The following C1orf146 variants were observed in gnomAD, a reference collection of about 807,000 sequenced individuals.
The protein encoded by C1orf146 is protein SPO16 homolog.
Under a neutral mutation model 23.0 loss-of-function variants are expected in C1orf146, and 22 were observed. The observed-to-expected ratio is 0.96, with a 90% CI of 0.68 to 1.36. The LOEUF is 1.36. C1orf146 is among the 40% of genes most tolerant of loss of function. C1orf146 has a pLI of 0.00. For missense variants in C1orf146, 199 were observed against 206.8 expected (o/e 0.96, Z 0.23); for synonymous variants, 59 against 65.3 (o/e 0.90, Z 0.47).
chr1:92,242,176 GC>G lies in C1orf146; in HGVS notation c.67-34del, dbSNP rs755768986. The G allele has an allele frequency of 3.4e-6, 4 of 1,189,620 alleles. No homozygotes were observed. In the African/African-American group the frequency reaches 6.1e-5, roughly 18 times the overall value. 73.7% of individuals were successfully genotyped at this position (1,189,620 alleles called of 1,614,324 possible). A position where few individuals can be genotyped will look rare whatever the true frequency, so the allele number is the denominator to read the frequency against. ...TTAGCTTTAATACAATTGTAAGCAT[GC>G]CTTAAATTTGTATTTCTGATATTTT... is the stretch of plus-strand genomic sequence containing the variant. On this transcript the variant is annotated intron_variant, in intron 2 of 5. Coordinates refer to ENST00000370375, the MANE Select transcript of C1orf146 (RefSeq NM_001012425.2).
rs1170550801 is a variant in C1orf146 at position 92,231,265 on chromosome 1, A to G, written c.-39-117A>G. 3 of 549,042 alleles carry G rather than the reference A, an allele frequency of 5.5e-6. No homozygotes were observed. In the African/African-American group the frequency reaches 5.9e-5, roughly 11 times the overall value. The allele number at this position is 549,042 out of a possible 1,614,324, so 34.0% of individuals were successfully genotyped here. A position where few individuals can be genotyped will look rare whatever the true frequency, so the allele number is the denominator to read the frequency against. ...AAGACAGATACTTTTTCTGTTGTCAAATTTTGATGTTCAAATATTCTTTAA... is the reference window on the plus strand; with the variant it reads ...AAGACAGATACTTTTTCTGTTGTCAGATTTTGATGTTCAAATATTCTTTAA... On this transcript the variant is annotated intron_variant, in intron 1 of 5. Transcript: ENST00000370375.
At position 92,232,810 on chromosome 1, in the gene C1orf146, G is replaced by A. The variant is rs1444565747; in HGVS notation, c.66+1324G>A. 7.9e-5 allele frequency among the ~76,000 whole-genome samples: 12 copies of A among 152,072 alleles called. 1 individual carries two copies. The highest frequency in any genetic ancestry group is 2.9e-4 in the African/African-American group (12 of 41,484). On this transcript the variant is annotated intron_variant, in intron 2 of 5. Coordinates refer to ENST00000370375, the MANE Select transcript of C1orf146 (RefSeq NM_001012425.2). The stretch of plus-strand genomic sequence containing the variant: ...TTTAATGATTGCCATTCTAACTGGT[G>A]TGAGATGATATCTCATAGTGGTTTT...
intron 1 of C1orf146, among the ~76,000 whole-genome samples, chr1:92,227,716 C>T (rs1570788201): frequency 6.6e-6 from 1 of 152,242 alleles, no homozygotes; most frequent in East Asian, 1.9e-4. Context: ...TTTCCTTTCA[C>T]CACTTAAAAG....
chr1:92,235,334 A>G (rs938958887), intron 2 of C1orf146, among the ~76,000 whole-genome samples: 16 of 152,118 alleles, frequency 1.1e-4, no homozygotes, highest in African/African-American at 3.9e-4. Context: ...GGTTTCAAAG[A>G]ACATCTTTAT....
intron 1 of C1orf146, among the ~76,000 whole-genome samples, chr1:92,226,422 C>T (rs1651970769): frequency 6.6e-6 from 1 of 152,096 alleles, no homozygotes; most frequent in Admixed American, 6.5e-5. Flanking sequence ...CACATACACA[C>T]ACACACACAC....
intron 2 of C1orf146, 40 bp downstream of exon 2, chr1:92,231,526 A>G (rs369766854): frequency 7.1e-7 from 1 of 1,416,396 alleles, no homozygotes; most frequent in Admixed American, 2.1e-5. Flanking sequence ...AACTTAAAAA[A>G]ATTAAAAGCA....
intron 2 of C1orf146, among the ~76,000 whole-genome samples, chr1:92,233,013 T>G (rs1652172180): frequency 6.6e-6 from 1 of 152,044 alleles, no homozygotes; most frequent in African/African-American, 2.4e-5. Context: ...ATATTAGCCC[T>G]TTGTCAGATG....
chr1:92,235,200 T>TAA, intron 2 of C1orf146, among the ~76,000 whole-genome samples: 1 of 152,020 alleles, frequency 6.6e-6, no homozygotes, highest in East Asian at 1.9e-4. Context: ...AATTGTGATG[T>TAA]TAGGGTGTCA....
chr1:92,231,835 C>T (rs1652130004), intron 2 of C1orf146, among the ~76,000 whole-genome samples: 1 of 151,946 alleles, frequency 6.6e-6, no homozygotes, highest in South Asian at 2.1e-4. Context: ...AACTGATATC[C>T]TAGCCTTGGC....
In C1orf146 at chr1:92,231,487, G is replaced by T. The variant is rs761200547; in HGVS notation, c.66+1G>T. 1 of 1,597,998 alleles carries T rather than the reference G, an allele frequency of 6.3e-7. No individual in the cohort carries two copies. Among genetic ancestry groups the T allele is most frequent in the Non-Finnish European group, 8.5e-7 (1 of 1,173,516 alleles). ...CATTATTATTAGCTCATCTCTTAAGGTAAAGGGGCATTTGGGCCACTGATC... is the reference window on the plus strand; with the variant it reads ...CATTATTATTAGCTCATCTCTTAAGTTAAAGGGGCATTTGGGCCACTGATC... On this transcript the variant is annotated splice_donor_variant, in intron 2 of 5. Transcript: ENST00000370375. LOFTEE classifies it high-confidence loss of function.
chr1:92,232,962 T>A (rs1475691802), intron 2 of C1orf146, among the ~76,000 whole-genome samples: 1 of 152,204 alleles, frequency 6.6e-6, no homozygotes, highest in Non-Finnish European at 1.5e-5. Flanking sequence ...GGTTGTTTGT[T>A]TTTTTCTTGT....
intron 1 of C1orf146, among the ~76,000 whole-genome samples, chr1:92,218,892 C>T (rs1570781373): frequency 1.3e-5 from 2 of 152,344 alleles, no homozygotes; most frequent in East Asian, 3.9e-4. Flanking sequence ...GCTGAGAAGG[C>T]ACTGCCCCAG....
intron 2 of C1orf146, among the ~76,000 whole-genome samples, chr1:92,236,083 T>G (rs1252763632): frequency 1.3e-5 from 2 of 152,222 alleles, no homozygotes; most frequent in Non-Finnish European, 2.9e-5. Flanking sequence ...CTGTGTCTTT[T>G]AATTGGAGCA....
rs190409039 is a variant in C1orf146 at position 92,230,187 on chromosome 1, G to A, written c.-39-1195G>A. ...CTCTTAGAACTGCAGATATTGGCCA[G>A]GTGCAGTGGCTCACACTTGTAATCC... On this transcript the variant is annotated intron_variant, in intron 1 of 5. Coordinates refer to ENST00000370375, the MANE Select transcript of C1orf146 (RefSeq NM_001012425.2). 7.6e-4 allele frequency among the ~76,000 whole-genome samples: 116 copies of A among 152,066 alleles called. 1 individual carries two copies. Among genetic ancestry groups the A allele is most frequent in the Admixed American group, 4.3e-3 (65 of 15,278 alleles).
chr1:92,221,374 T>G (rs566383636), intron 1 of C1orf146, among the ~76,000 whole-genome samples: 3 of 152,242 alleles, frequency 2.0e-5, no homozygotes, highest in South Asian at 4.2e-4. Flanking sequence ...AAACTACCTT[T>G]TGGGTACTGT....
intron 2 of C1orf146, among the ~76,000 whole-genome samples, chr1:92,232,679 A>C (rs373795611): frequency 6.6e-6 from 1 of 151,702 alleles, no homozygotes; most frequent in South Asian, 2.1e-4. Flanking sequence ...CTGAGGAATC[A>C]CCACACTGTC....
intron 1 of C1orf146, among the ~76,000 whole-genome samples, chr1:92,225,939 G>C (rs1269692315): frequency 6.6e-6 from 1 of 152,070 alleles, no homozygotes; most frequent in South Asian, 2.1e-4. Context: ...TTGGATTTTG[G>C]TTTGACTGTA....
intron 2 of C1orf146, among the ~76,000 whole-genome samples, chr1:92,238,175 A>C (rs1019655445): frequency 6.6e-6 from 1 of 152,094 alleles, no homozygotes; most frequent in Non-Finnish European, 1.5e-5. Flanking sequence ...CTGCCCCCAC[A>C]ACCTGCACGA....
In C1orf146 at chr1:92,242,275, GA is replaced by G; in HGVS notation, c.134del (p.Asn45MetfsTer15). ...CAAAGTTCGATATTCAGATTCAGTG[GA>G]AAATGGATCAATTATATTTTCTCTT... is the stretch of plus-strand genomic sequence containing the variant. ...SHKVRYSDSV[E>X]NGSIIFSLSG... is the part of the protein sequence containing the mutation. On this transcript the variant is annotated frameshift_variant, in exon 3 of 6. Transcript: ENST00000370375. LOFTEE classifies it high-confidence loss of function. 6.3e-7 allele frequency: 1 copy of G among 1,598,908 alleles called. No homozygotes were observed. Among genetic ancestry groups the G allele is most frequent in the Middle Eastern group, 1.7e-4 (1 of 6,028 alleles).
Sources: gnomAD v4.1 joint callset for allele counts (sites outside exome capture counted in the v4.1 genomes callset) on GRCh38, gnomAD v4.1.1 for gene constraint, MANE v1.5 for transcripts, NCBI Gene and HGNC (gene_info 2026-07-23, HGNC 2026-07-21) for gene names.